MYCBP2: variants seen among roughly 807,000 people sequenced by gnomAD.
The protein encoded by MYCBP2 is MYC binding protein 2.
In MYCBP2, 120 loss-of-function variants were observed where a neutral mutation model predicts 525.3. The observed-to-expected ratio is 0.23, with a 90% CI of 0.20 to 0.27. The LOEUF is 0.27. Among genes scored for constraint, MYCBP2 ranks in the 10% least tolerant of loss-of-function variants. The probability of loss-of-function intolerance (pLI) is 1.00; values close to 1 mark genes in which losing one functional copy is unlikely to be tolerated. For missense variants in MYCBP2, 4,149 were observed against 5,657.1 expected (o/e 0.73, Z 8.55); for synonymous variants, 1,894 against 1,955.8 (o/e 0.97, Z 0.83).
At chr13:77,091,624 T>C (rs762284866) in intron 59 of MYCBP2, among the ~76,000 whole-genome samples, 12 of 152,142 alleles carry the variant, frequency 7.9e-5, no homozygotes, top group Non-Finnish European at 1.3e-4. Context: ...ACTAGCCCAG[T>C]TGTGACAAAG....
chr13:77,156,883 T>C (rs1179721960), intron 45 of MYCBP2, among the ~76,000 whole-genome samples: 1 of 152,200 alleles, frequency 6.6e-6, no homozygotes, highest in Non-Finnish European at 1.5e-5. Flanking sequence ...ACTTAAGTGA[T>C]TTGACATTCC....
At chr13:77,153,174 C>A (rs2056750936) in intron 46 of MYCBP2, among the ~76,000 whole-genome samples, 1 of 152,048 alleles carries the variant, frequency 6.6e-6, no homozygotes, top group South Asian at 2.1e-4. Context: ...TCAGGACACA[C>A]TGGGTGCAGG....
At chr13:77,089,355 A>T (rs1318869254) in intron 60 of MYCBP2, among the ~76,000 whole-genome samples, 5 of 152,296 alleles carry the variant, frequency 3.3e-5, no homozygotes, top group Non-Finnish European at 2.9e-5. Context: ...ATCATTTTCT[A>T]AAAGATGGCT....
At chr13:77,314,013 G>A (rs2080603761) in intron 1 of MYCBP2, among the ~76,000 whole-genome samples, 1 of 151,968 alleles carries the variant, frequency 6.6e-6, no homozygotes, top group African/African-American at 2.4e-5. Context: ...TCAAATGTTG[G>A]CGAGGCTTTA....
At chr13:77,100,923 T>C (rs2046972807) in intron 55 of MYCBP2, among the ~76,000 whole-genome samples, 1 of 152,106 alleles carries the variant, frequency 6.6e-6, no homozygotes, top group East Asian at 1.9e-4. Context: ...TATGAATAAG[T>C]ACCCTTAAAC....
At chr13:77,065,373 G>C (rs2040026565) in intron 72 of MYCBP2, among the ~76,000 whole-genome samples, 1 of 152,012 alleles carries the variant, frequency 6.6e-6, no homozygotes, top group Non-Finnish European at 1.5e-5. Context: ...TGATTTAAGG[G>C]GCAGTTCAAT....
chr13:77,267,614 C>T (rs746383130), intron 8 of MYCBP2, among the ~76,000 whole-genome samples: 20 of 152,118 alleles, frequency 1.3e-4, no homozygotes, highest in Non-Finnish European at 2.4e-4. Flanking sequence ...AGGCCATAGA[C>T]GGCCAAGTTT....
intron 55 of MYCBP2, among the ~76,000 whole-genome samples, chr13:77,107,438 T>G (rs1414562859): frequency 6.6e-6 from 1 of 152,114 alleles, no homozygotes; most frequent in East Asian, 1.9e-4. Context: ...TTCATAGGAT[T>G]TTTCAGAAAG....
chr13:77,246,732 C>T (rs2070095070), intron 15 of MYCBP2, among the ~76,000 whole-genome samples: 1 of 149,896 alleles, frequency 6.7e-6, no homozygotes, highest in Non-Finnish European at 1.5e-5. Flanking sequence ...AAATCCTCAA[C>T]AAAATACTAA....
intron 56 of MYCBP2, 119 bp from the exon 57 acceptor site, chr13:77,096,600 G>A: frequency 2.9e-6 from 3 of 1,047,804 alleles, no homozygotes; most frequent in Non-Finnish European, 2.7e-6. Flanking sequence ...TACTGAAGTA[G>A]ATATCTTATT....
chr13:77,240,278 A>T (rs2068616587), intron 17 of MYCBP2, among the ~76,000 whole-genome samples: 1 of 152,194 alleles, frequency 6.6e-6, no homozygotes, highest in Non-Finnish European at 1.5e-5. Flanking sequence ...ATGAATACAT[A>T]GTTAGAATTC....
Position 77,326,359 on chromosome 13 carries a change from C to T in MYCBP2, c.302+115G>A. 1 of 1,065,902 alleles carries T rather than the reference C, an allele frequency of 9.4e-7. No individual in the cohort carries two copies. Among genetic ancestry groups the T allele is most frequent in the Non-Finnish European group, 1.3e-6 (1 of 775,632 alleles). The allele number at this position is 1,065,902 out of a possible 1,614,324, so 66.0% of individuals were successfully genotyped here. A position where few individuals can be genotyped will look rare whatever the true frequency, so the allele number is the denominator to read the frequency against. On this transcript the variant is annotated intron_variant, in intron 1 of 82. Coordinates refer to ENST00000544440, the MANE Select transcript of MYCBP2 (RefSeq NM_015057.5). This position sits in a 1 kb window ranked among gnomAD's most constrained non-coding sequence, Gnocchi z 4.2. The stretch of plus-strand genomic sequence containing the variant: ...ACAGACATCCAGAGCGGACTGAAAG[C>T]TCAATAAATGCGCAGGTACACACAC...
At chr13:77,177,420 C>T (rs542380745) in intron 35 of MYCBP2, among the ~76,000 whole-genome samples, 1 of 149,170 alleles carries the variant, frequency 6.7e-6, no homozygotes, top group South Asian at 2.1e-4. Context: ...TGGCTCACTG[C>T]AGCCTCAACC....
intron 82 of MYCBP2, 53 bp from the exon 83 acceptor site, chr13:77,045,546 T>A: frequency 9.3e-7 from 1 of 1,074,312 alleles, no homozygotes; most frequent in Admixed American, 1.9e-5. Flanking sequence ...AATACACACA[T>A]ATAAACCTCA....
intron 20 of MYCBP2, among the ~76,000 whole-genome samples, chr13:77,221,783 C>T (rs1566964626): frequency 1.3e-5 from 2 of 152,134 alleles, no homozygotes; most frequent in African/African-American, 4.8e-5. Flanking sequence ...CCACGTTCTT[C>T]CCCACACAGG....
chr13:77,194,304 TG>T, intron 26 of MYCBP2, 60 bp from the exon 27 acceptor site: 5 of 1,250,944 alleles, frequency 4.0e-6, no homozygotes, highest in African/African-American at 1.5e-5. Flanking sequence ...TGATGAACAA[TG>T]TGTTCATAAT....
At position 77,078,725 on chromosome 13, in the gene MYCBP2, A is replaced by G. The variant is rs1310507471; in HGVS notation, c.11484+99T>C. 9 of 900,164 alleles carry G rather than the reference A, an allele frequency of 1.0e-5. No homozygotes were observed. The East Asian group carries it at 2.2e-4, about 22-fold the overall frequency. The allele number at this position is 900,164 out of a possible 1,614,324, so 55.8% of individuals were successfully genotyped here. On this transcript the variant is annotated intron_variant, in intron 66 of 82. Coordinates refer to ENST00000544440, the MANE Select transcript of MYCBP2 (RefSeq NM_015057.5). ...CTGTAAATAGATAATTCCCTATAAT[A>G]CTTTGGTTGTGTGCCAAGGGTGGAA...
Position 77,088,802 on chromosome 13 carries a change from G to A in MYCBP2, c.10725+30C>T, listed in dbSNP as rs778643914. On this transcript the variant is annotated intron_variant, in intron 61 of 82. Coordinates refer to ENST00000544440, the MANE Select transcript of MYCBP2 (RefSeq NM_015057.5). ...TCATCACATGATTTGTATAATCAATGAATCAGTAATTTCATTAATGTCTTC... is the reference window on the plus strand; with the variant it reads ...TCATCACATGATTTGTATAATCAATAAATCAGTAATTTCATTAATGTCTTC... 9 of 1,550,294 alleles carry A rather than the reference G, an allele frequency of 5.8e-6. No homozygotes were observed. In the African/African-American group the frequency reaches 1.1e-4, roughly 19 times the overall value.
intron 2 of MYCBP2, among the ~76,000 whole-genome samples, chr13:77,294,409 AACTT>A (rs2077952763): frequency 6.6e-6 from 1 of 151,996 alleles, no homozygotes; most frequent in Non-Finnish European, 1.5e-5. Context: ...TAAATGAATG[AACTT>A]ACTTACATCA....
Sources: allele counts gnomAD v4.1 joint callset (sites outside exome capture counted in the v4.1 genomes callset), GRCh38; gene constraint gnomAD v4.1.1; non-coding constraint Gnocchi (gnomAD v3.1); transcripts MANE v1.5; gene names NCBI Gene and HGNC (gene_info 2026-07-23, HGNC 2026-07-21).